The following MICU3 variants were observed in gnomAD, a reference collection of about 807,000 sequenced individuals.
MICU3 encodes the protein calcium uptake protein 3, mitochondrial.
In MICU3, 62 loss-of-function variants were observed where a neutral mutation model predicts 66.5. The ratio of observed to expected loss-of-function variants is 0.93; its 90% CI spans 0.76 to 1.15. The LOEUF is 1.15. Ranked by LOEUF, MICU3 falls within the 50% of genes most tolerant of loss-of-function variation. The pLI is 0.00. For synonymous variants in MICU3, 308 were observed against 240.7 expected, an observed-to-expected ratio of 1.28 and a Z score of -2.59; for missense variants, 779 against 664.4, an observed-to-expected ratio of 1.17 and a Z score of -1.90.
intron 1 of MICU3, among the ~76,000 whole-genome samples, chr8:17,033,806 G>C (rs1812494491): frequency 6.6e-6 from 1 of 152,190 alleles, no homozygotes; most frequent in African/African-American, 2.4e-5. Context: ...AGTTAGCAGA[G>C]AATGGTTCAT....
At chr8:17,031,349 G>A (rs147152709) in intron 1 of MICU3, among the ~76,000 whole-genome samples, 381 of 151,038 alleles carry the variant, frequency 2.5e-3, no homozygotes, top group African/African-American at 8.9e-3. Flanking sequence ...CTGCAGGGGT[G>A]TGATCTCAGT....
chr8:17,027,674 C>CA lies in MICU3; in HGVS notation c.381+14_381+15insA. Reference sequence around the variant, plus strand: ...GCCAAGGAGACGGTGAGTGCGCGAGCGCGCGTCACACCTGCGCGGGGGATG... The same window carrying CA: ...GCCAAGGAGACGGTGAGTGCGCGAGCAGCGCGTCACACCTGCGCGGGGGATG... On this transcript the variant is annotated intron_variant, in intron 1 of 14. Coordinates refer to ENST00000318063, the MANE Select transcript of MICU3 (RefSeq NM_181723.3). 1 of 1,284,072 alleles carries CA rather than the reference C, an allele frequency of 7.8e-7. No homozygotes were observed. Among genetic ancestry groups the CA allele is most frequent in the Non-Finnish European group, 9.8e-7 (1 of 1,018,276 alleles). The allele number at this position is 1,284,072 out of a possible 1,614,324, so 79.5% of individuals were successfully genotyped here.
At chr8:17,108,309 T>G (rs1001921038) in intron 11 of MICU3, among the ~76,000 whole-genome samples, 1 of 152,138 alleles carries the variant, frequency 6.6e-6, no homozygotes, top group Non-Finnish European at 1.5e-5. Flanking sequence ...GACTACTGAT[T>G]AGTAGTCATT....
intron 11 of MICU3, among the ~76,000 whole-genome samples, chr8:17,107,463 T>C (rs1171968061): frequency 6.6e-6 from 1 of 152,110 alleles, no homozygotes. Flanking sequence ...GAGGTAGATA[T>C]GGGTCAAATC....
At chr8:17,094,987 T>A (rs1800516764) in intron 8 of MICU3, among the ~76,000 whole-genome samples, 1 of 152,042 alleles carries the variant, frequency 6.6e-6, no homozygotes, top group Non-Finnish European at 1.5e-5. Flanking sequence ...CTACTAGAGA[T>A]ATATAATCTG....
intron 3 of MICU3, 87 bp downstream of exon 3, chr8:17,069,806 T>C: frequency 2.3e-6 from 1 of 440,312 alleles, no homozygotes; most frequent in Non-Finnish European, 3.6e-6. Context: ...TCATAAAATA[T>C]ATTATGTATT....
downstream of MICU3, among the ~76,000 whole-genome samples, chr8:17,125,012 A>G (rs1349269381): frequency 6.6e-6 from 1 of 152,134 alleles, no homozygotes; most frequent in Non-Finnish European, 1.5e-5. Context: ...CTAAAAACTC[A>G]TGGCATTCAT....
the MICU3 span, among the ~76,000 whole-genome samples, chr8:17,127,937 G>A: frequency 2.0e-5 from 3 of 152,132 alleles, no homozygotes; most frequent in African/African-American, 7.2e-5. Flanking sequence ...GCCAGGAGTG[G>A]AAACTATCAG....
intron 1 of MICU3, among the ~76,000 whole-genome samples, chr8:17,036,379 C>T (rs1585165482): frequency 1.3e-5 from 2 of 151,794 alleles, no homozygotes; most frequent in Non-Finnish European, 1.5e-5. Flanking sequence ...AAAGCTTCCA[C>T]AGTGTGGAAG....
chr8:17,114,973 G>T (rs1802545496), intron 12 of MICU3, among the ~76,000 whole-genome samples: 1 of 151,834 alleles, frequency 6.6e-6, no homozygotes, highest in African/African-American at 2.4e-5. Flanking sequence ...CAAAAAATTA[G>T]CCGGGCGTAG....
chr8:17,042,931 ATTTTTTTTTT>A (rs996846253), intron 1 of MICU3, among the ~76,000 whole-genome samples: 2 of 82,154 alleles, frequency 2.4e-5, no homozygotes, highest in African/African-American at 1.2e-4. Context: ...ATTCAAAGTG[ATTTTTTTTTT>A]TTTTTTTTTT....
intron 1 of MICU3, among the ~76,000 whole-genome samples, chr8:17,040,207 C>T (rs1372421544): frequency 2.0e-5 from 3 of 152,028 alleles, no homozygotes; most frequent in Non-Finnish European, 4.4e-5. Context: ...TGTGCCTGGC[C>T]CCATTATCAT....
chr8:17,091,593 G>A (rs947725036), intron 8 of MICU3, among the ~76,000 whole-genome samples: 1 of 151,918 alleles, frequency 6.6e-6, no homozygotes, highest in Non-Finnish European at 1.5e-5. Flanking sequence ...CTAAACCTAA[G>A]ATATTTTTCC....
chr8:17,039,878 A>G (rs1047272808), intron 1 of MICU3, among the ~76,000 whole-genome samples: 1 of 134,492 alleles, frequency 7.4e-6, no homozygotes, highest in Non-Finnish European at 1.6e-5. Flanking sequence ...TCATGAAGGT[A>G]TCCATCATCT....
Position 17,027,502 on chromosome 8 carries a change from G to C in MICU3, c.223G>C (p.Gly75Arg), listed in dbSNP as rs1195055446. The change falls in exon 1 of 15, where the codon GGG becomes CGG. Residue 75 changes from glycine (G) to arginine (R), a missense_variant. Transcript: ENST00000318063. ...GCTGAGCGTGGCGGCGGCGGCCGGC[G>C]GGGGGCTGGTCGGCCTGGTATGCTA... ...GELSVAAAAG[G>R]GLVGLVCYQL... is the part of the protein sequence containing the mutation. The C allele has an allele frequency of 5.5e-6, 7 of 1,282,008 alleles. No individual in the cohort carries two copies. Among genetic ancestry groups the C allele is most frequent in the Non-Finnish European group, 6.9e-6 (7 of 1,019,118 alleles). The allele number at this position is 1,282,008 out of a possible 1,614,324, so 79.4% of individuals were successfully genotyped here. A position where few individuals can be genotyped will look rare whatever the true frequency, so the allele number is the denominator to read the frequency against.
chr8:17,040,276 A>G (rs1813844476), intron 1 of MICU3, among the ~76,000 whole-genome samples: 2 of 152,316 alleles, frequency 1.3e-5, no homozygotes, highest in East Asian at 1.9e-4. Context: ...TACCCACGCT[A>G]TAACATACAA....
intron 12 of MICU3, among the ~76,000 whole-genome samples, chr8:17,114,920 C>A (rs902355885): frequency 2.0e-5 from 3 of 151,764 alleles, no homozygotes; most frequent in African/African-American, 7.3e-5. Flanking sequence ...GAGATCGAGA[C>A]CATCCCGGCT....
rs888480387 is a variant in MICU3, at chr8:17,108,853, T to G, written c.1257+3269T>G. 6.6e-5 allele frequency among the ~76,000 whole-genome samples: 10 copies of G among 152,270 alleles called. No homozygotes were observed. The East Asian group carries it at 1.7e-3, about 26-fold the overall frequency. On this transcript the variant is annotated intron_variant, in intron 11 of 14. Transcript: ENST00000318063. The stretch of plus-strand genomic sequence containing the variant: ...TCCTTACAGTGGCTCCTACACACAC[T>G]GCTCCCTCATTACCTTTGACCTCAC...
intron 11 of MICU3, among the ~76,000 whole-genome samples, chr8:17,113,036 A>T (rs889814780): frequency 1.3e-5 from 2 of 152,228 alleles, no homozygotes; most frequent in Non-Finnish European, 2.9e-5. Flanking sequence ...ATGTGAGGAG[A>T]AAAGACAGTA....
Sources: allele counts gnomAD v4.1 joint callset (sites outside exome capture counted in the v4.1 genomes callset), GRCh38; gene constraint gnomAD v4.1.1; transcripts MANE v1.5; gene names NCBI Gene and HGNC (gene_info 2026-07-23, HGNC 2026-07-21).